CFAP61: variants seen among roughly 807,000 people sequenced by gnomAD.
The protein encoded by CFAP61 is cilia- and flagella-associated protein 61.
A neutral mutation model predicts 135.6 loss-of-function variants in CFAP61; 107 were observed. The observed-to-expected ratio is 0.79, with a 90% CI of 0.67 to 0.93. The LOEUF (loss-of-function observed/expected upper bound fraction) is 0.93. Among genes scored for constraint, CFAP61 ranks in the 40% least tolerant of loss-of-function variants. The pLI is 0.00. For missense variants in CFAP61, 1,507 were observed against 1,556.2 expected, an observed-to-expected ratio of 0.97 and a Z score of 0.53; for synonymous variants, 575 against 578.5, an observed-to-expected ratio of 0.99 and a Z score of 0.09.
intron 17 of CFAP61, among the ~76,000 whole-genome samples, chr20:20,223,207 G>A (rs987701460): frequency 6.6e-6 from 1 of 152,200 alleles, no homozygotes; most frequent in Non-Finnish European, 1.5e-5. Flanking sequence ...AAAGCTCAAA[G>A]TATTTGCAGA....
chr20:20,075,044 C>A, intron 4 of CFAP61, 145 bp from the exon 5 acceptor site: 1 of 726,712 alleles, frequency 1.4e-6, no homozygotes, highest in East Asian at 2.6e-5. Context: ...TGAGGCTGTT[C>A]TTGCCATTGC....
intron 8 of CFAP61, among the ~76,000 whole-genome samples, chr20:20,100,015 ATTGT>A (rs2047898666): frequency 6.6e-6 from 1 of 152,000 alleles, no homozygotes; most frequent in Admixed American, 6.5e-5. Flanking sequence ...TGGGGTCCTT[ATTGT>A]TTAATAGTGA....
chr20:20,292,571 A>G (rs1485611629), intron 24 of CFAP61, among the ~76,000 whole-genome samples: 1 of 152,206 alleles, frequency 6.6e-6, no homozygotes, highest in Non-Finnish European at 1.5e-5. Flanking sequence ...ACAGCCTTAG[A>G]TGGGAAGACT....
At chr20:20,121,321 C>A (rs2146694791) in intron 8 of CFAP61, among the ~76,000 whole-genome samples, 1 of 151,682 alleles carries the variant, frequency 6.6e-6, no homozygotes, top group Non-Finnish European at 1.5e-5. Context: ...ATTGTCCAGG[C>A]TGGTCTTGAG....
rs537933340 is a variant in CFAP61, at chr20:20,090,795, G to A, written c.567-49G>A. 19 of 1,602,182 alleles carry A rather than the reference G, an allele frequency of 1.2e-5. No individual in the cohort carries two copies. The African/African-American group carries it at 2.1e-4, about 18-fold the overall frequency. ...GCACACAGTTGGTGCCCTGTTGAAG[G>A]AAAAAAATGAGTGAACGAACACTGA... On this transcript the variant is annotated intron_variant, in intron 6 of 26. Coordinates refer to ENST00000245957, the MANE Select transcript of CFAP61 (RefSeq NM_015585.4).
At chr20:20,136,813 T>C (rs1435718044) in intron 8 of CFAP61, among the ~76,000 whole-genome samples, 1 of 152,204 alleles carries the variant, frequency 6.6e-6, no homozygotes, top group African/African-American at 2.4e-5. Flanking sequence ...TGTTTGTCAG[T>C]GTCTGGGCAC....
intron 24 of CFAP61, among the ~76,000 whole-genome samples, chr20:20,294,779 T>A (rs918092216): frequency 2.0e-5 from 3 of 150,108 alleles, no homozygotes; most frequent in African/African-American, 2.4e-5. Flanking sequence ...ATACAAAAAA[T>A]TAGCCGGGCG....
Position 20,090,940 on chromosome 20 carries a change from G to A in CFAP61, c.663G>A (p.Glu221=), listed in dbSNP as rs747274818. The change falls in exon 7 of 27, where the codon GAG becomes GAA. Residue 221 remains glutamate (E), a synonymous_variant. Transcript: ENST00000245957. ...AATACTTCCTGGCCGAACTAATAGA[G>A]GCCCAAGATGAAGAGAATCATGCTG... ...YGEYFLAELI[E]AQDEENHAVV... The A allele has an allele frequency of 6.2e-7, 1 of 1,614,120 alleles. No individual in the cohort carries two copies. Among genetic ancestry groups the A allele is most frequent in the South Asian group, 1.1e-5 (1 of 91,082 alleles).
intron 18 of CFAP61, among the ~76,000 whole-genome samples, chr20:20,235,532 C>T (rs900651981): frequency 6.6e-6 from 1 of 152,162 alleles, no homozygotes; most frequent in African/African-American, 2.4e-5. Flanking sequence ...TCCTCCCATC[C>T]CCACTTTTCT....
At chr20:20,146,760 C>T (rs1160377591) in intron 9 of CFAP61, among the ~76,000 whole-genome samples, 1 of 152,140 alleles carries the variant, frequency 6.6e-6, no homozygotes, top group Non-Finnish European at 1.5e-5. Context: ...AAGAACAATA[C>T]TGTCTTTTTA....
chr20:20,080,281 A>T (rs2046344004), intron 6 of CFAP61, among the ~76,000 whole-genome samples: 1 of 152,148 alleles, frequency 6.6e-6, no homozygotes, highest in African/African-American at 2.4e-5. Context: ...TCTGTTAATT[A>T]TATTTTTCAC....
At chr20:20,161,017 G>A (rs374908164) in intron 10 of CFAP61, among the ~76,000 whole-genome samples, 3 of 151,998 alleles carry the variant, frequency 2.0e-5, no homozygotes, top group African/African-American at 4.8e-5. Context: ...TCCTCACCTC[G>A]CATGCCACTC....
intron 20 of CFAP61, chr20:20,253,625 CCACTGTTTGGCCTGGACG>C: frequency 2.1e-6 from 1 of 475,982 alleles, no homozygotes. Context: ...GTGTCCAGTC[CCACTGTTTGGCCTGGACG>C]CACCTACCAA....
Position 20,166,385 on chromosome 20 carries a change from T to G in CFAP61, c.1206-12T>G, listed in dbSNP as rs199979529. On this transcript the variant is annotated splice_polypyrimidine_tract_variant and intron_variant, in intron 11 of 26. Coordinates refer to ENST00000245957, the MANE Select transcript of CFAP61 (RefSeq NM_015585.4). ...TGCAGGGCACTGACAGTGCTTACTG[T>G]CTTGTTTACAGGTCGCTGGATTTTA... 14 of 1,613,122 alleles carry G rather than the reference T, an allele frequency of 8.7e-6. No individual in the cohort carries two copies. In the African/African-American group the frequency reaches 1.2e-4, roughly 14 times the overall value.
intron 6 of CFAP61, among the ~76,000 whole-genome samples, chr20:20,076,046 C>CA (rs1292351860): frequency 6.6e-6 from 1 of 152,144 alleles, no homozygotes; most frequent in Non-Finnish European, 1.5e-5. Flanking sequence ...TCAGGTGCCC[C>CA]AAGTCCAGCA....
chr20:20,139,761 A>C (rs1191101579), intron 8 of CFAP61, among the ~76,000 whole-genome samples: 1 of 152,220 alleles, frequency 6.6e-6, no homozygotes, highest in Non-Finnish European at 1.5e-5. Flanking sequence ...TAGTCTTTGT[A>C]GTTGGTAACT....
Position 20,196,734 on chromosome 20 carries a change from C to T in CFAP61, c.1755C>T (p.Ser585=), listed in dbSNP as rs773163898. 1 of 1,614,214 alleles carries T rather than the reference C, an allele frequency of 6.2e-7. No homozygotes were observed. The highest frequency in any genetic ancestry group is 8.5e-7 in the Non-Finnish European group (1 of 1,180,032). Residue 585 remains serine, a synonymous_variant, in exon 16 of 27, where the codon TCC becomes TCT. Coordinates refer to ENST00000245957, the MANE Select transcript of CFAP61 (RefSeq NM_015585.4). The part of the protein sequence containing the change: ...LKEILRLGFK[S]CLYYRVYPKS... ...AGATCCTGCGTTTAGGCTTTAAATC[C>T]TGTCTCTACTACCGTGTTTACCCAA...
chr20:20,257,620 CA>C (rs147860452), intron 20 of CFAP61, among the ~76,000 whole-genome samples: 2 of 58,260 alleles, frequency 3.4e-5, no homozygotes, highest in Non-Finnish European at 6.9e-5. Flanking sequence ...TCAAAAAAAA[CA>C]AAAAAACAAA....
At chr20:20,060,649 T>G (rs145401847) in intron 2 of CFAP61, among the ~76,000 whole-genome samples, 31 of 152,328 alleles carry the variant, frequency 2.0e-4, no homozygotes, top group Non-Finnish European at 4.6e-4. Flanking sequence ...TCCTGTCACT[T>G]ACGCCTTTGT....
Sources: allele counts gnomAD v4.1 joint callset (sites outside exome capture counted in the v4.1 genomes callset), GRCh38; gene constraint gnomAD v4.1.1; transcripts MANE v1.5; gene names NCBI Gene and HGNC (gene_info 2026-07-23, HGNC 2026-07-21).